SPAG6: variants seen among roughly 807,000 people sequenced by gnomAD.
The protein encoded by SPAG6 is sperm-associated antigen 6.
A neutral mutation model predicts 58.5 loss-of-function variants in SPAG6; 49 were observed. That is an observed-to-expected ratio of 0.84 (90% CI 0.67 to 1.06). The LOEUF (loss-of-function observed/expected upper bound fraction) is 1.06, where lower values mean the gene tolerates loss of function less well. Ranked by LOEUF, SPAG6 falls within the 50% of genes least tolerant of loss-of-function variation. SPAG6 has a pLI of 0.00. For missense variants in SPAG6, 560 were observed against 611.3 expected, an observed-to-expected ratio of 0.92 and a Z score of 0.89; for synonymous variants, 233 against 225.6, an observed-to-expected ratio of 1.03 and a Z score of -0.29.
intron 2 of SPAG6, among the ~76,000 whole-genome samples, chr10:22,348,819 G>C (rs952935548): frequency 5.3e-5 from 8 of 152,138 alleles, no homozygotes; most frequent in African/African-American, 1.9e-4. Flanking sequence ...ATTTGGAAAA[G>C]ATTAAGTTTG....
At chr10:22,400,005 A>G (rs984552050) in intron 8 of SPAG6, among the ~76,000 whole-genome samples, 2 of 152,182 alleles carry the variant, frequency 1.3e-5, no homozygotes, top group Non-Finnish European at 2.9e-5. Flanking sequence ...TCAAGCAATA[A>G]GAGGCTATGC....
At chr10:22,381,793 G>T (rs1055113375) in intron 4 of SPAG6, among the ~76,000 whole-genome samples, 9 of 152,110 alleles carry the variant, frequency 5.9e-5, no homozygotes, top group Non-Finnish European at 1.2e-4. Context: ...TGCAGCTTTA[G>T]ATAGTACTAA....
chr10:22,369,569 A>G (rs1213906844), intron 4 of SPAG6, among the ~76,000 whole-genome samples: 1 of 152,122 alleles, frequency 6.6e-6, no homozygotes, highest in Admixed American at 6.5e-5. Context: ...GGCATTAGAC[A>G]GGGTCTGAGT....
chr10:22,369,091 G>A (rs775763547), intron 4 of SPAG6, among the ~76,000 whole-genome samples: 7 of 152,114 alleles, frequency 4.6e-5, no homozygotes, highest in East Asian at 1.9e-4. Flanking sequence ...GGGTCATTTG[G>A]TCTTCCTGCC....
chr10:22,393,792 G>T (rs1369978810), intron 8 of SPAG6, among the ~76,000 whole-genome samples: 6 of 152,040 alleles, frequency 3.9e-5, no homozygotes, highest in Non-Finnish European at 8.8e-5. Context: ...TATTTTAAAG[G>T]GTGTAGAATA....
chr10:22,365,212 A>T (rs1184983213), intron 3 of SPAG6, among the ~76,000 whole-genome samples, 193 bp downstream of exon 3: 1 of 152,188 alleles, frequency 6.6e-6, no homozygotes, highest in Middle Eastern at 3.2e-3. Flanking sequence ...TTTATCTATT[A>T]TTGATAATAT....
intron 2 of SPAG6, among the ~76,000 whole-genome samples, chr10:22,358,273 C>G (rs1317662091): frequency 6.6e-6 from 1 of 152,158 alleles, no homozygotes; most frequent in African/African-American, 2.4e-5. Flanking sequence ...TAATGATCGC[C>G]ATTCTAACTG....
chr10:22,381,205 C>A (rs915436641), intron 4 of SPAG6, among the ~76,000 whole-genome samples: 1 of 152,040 alleles, frequency 6.6e-6, no homozygotes, highest in Non-Finnish European at 1.5e-5. Context: ...GAAAGCCCCC[C>A]ACAGGCTGTT....
At chr10:22,346,432 T>TCTTCTTCTTCTC (rs1836534161) in intron 2 of SPAG6, among the ~76,000 whole-genome samples, 2 of 92,116 alleles carry the variant, frequency 2.2e-5, no homozygotes, top group Non-Finnish European at 4.4e-5. Flanking sequence ...AGAAAATGGT[T>TCTTCTTCTTCTC]CTTCTTCTTC....
At position 22,416,687 on chromosome 10, in the gene SPAG6, G is replaced by C; in HGVS notation, c.1529G>C (p.Ter510SerextTer20). Reference sequence around the variant, plus strand: ...GACAGCTATCAACCACTTAATAACTGAGCAAAGTTATATTGTGATACTCAA... The same window carrying C: ...GACAGCTATCAACCACTTAATAACTCAGCAAAGTTATATTGTGATACTCAA... Reference protein sequence around the residue: ...RVDSYQPLNN* With the variant: ...RVDSYQPLNNS Residue 510 changes from the stop codon to serine (S), a stop_lost, in exon 11 of 11, where the codon TGA (stop) becomes TCA (serine). Transcript: ENST00000376624. The C allele has an allele frequency of 6.3e-7, 1 of 1,582,286 alleles. No individual in the cohort carries two copies. The highest frequency in any genetic ancestry group is 8.7e-7 in the Non-Finnish European group (1 of 1,151,830).
At chr10:22,378,188 C>T (rs1457425280) in intron 4 of SPAG6, among the ~76,000 whole-genome samples, 4 of 151,210 alleles carry the variant, frequency 2.6e-5, no homozygotes, top group African/African-American at 4.9e-5. Context: ...CTCAGCCTCT[C>T]GAGTAGCTGG....
At chr10:22,361,171 A>G (rs1309138741) in intron 2 of SPAG6, 3 of 248,140 alleles carry the variant, frequency 1.2e-5, no homozygotes, top group Non-Finnish European at 2.3e-5. Context: ...TGGACACTTT[A>G]GCTTTTATTA....
At chr10:22,407,307 T>C (rs1006363982) in intron 9 of SPAG6, among the ~76,000 whole-genome samples, 3 of 152,106 alleles carry the variant, frequency 2.0e-5, no homozygotes, top group African/African-American at 7.3e-5. Flanking sequence ...AGCGCTTCCT[T>C]CAGGAGCTCT....
chr10:22,353,847 G>C (rs563162824), intron 2 of SPAG6, among the ~76,000 whole-genome samples: 1 of 152,312 alleles, frequency 6.6e-6, no homozygotes, highest in South Asian at 2.1e-4. Context: ...TAATCACACA[G>C]ATACTGTGCT....
chr10:22,405,333 G>C (rs1472730827), intron 9 of SPAG6, among the ~76,000 whole-genome samples: 6 of 152,152 alleles, frequency 3.9e-5, no homozygotes, highest in Non-Finnish European at 8.8e-5. Flanking sequence ...TTTATTGAGA[G>C]TTTTTAACAT....
At chr10:22,399,104 C>A (rs1201788894) in intron 8 of SPAG6, among the ~76,000 whole-genome samples, 1 of 152,196 alleles carries the variant, frequency 6.6e-6, no homozygotes, top group Non-Finnish European at 1.5e-5. Flanking sequence ...CAGGCCTGAG[C>A]CACCGCGCCT....
intron 5 of SPAG6, among the ~76,000 whole-genome samples, 164 bp from the exon 6 acceptor site, chr10:22,387,658 AT>A (rs2132082021): frequency 6.6e-6 from 1 of 152,328 alleles, no homozygotes; most frequent in African/African-American, 2.4e-5. Context: ...TAAGACTTGA[AT>A]GTGAATGTCT....
At chr10:22,387,387 C>A (rs1834091918) in intron 5 of SPAG6, among the ~76,000 whole-genome samples, 1 of 152,000 alleles carries the variant, frequency 6.6e-6, no homozygotes, top group South Asian at 2.1e-4. Flanking sequence ...ATAGTTATAT[C>A]CTATAATGTT....
intron 10 of SPAG6, among the ~76,000 whole-genome samples, chr10:22,412,168 TA>T (rs1382330601): frequency 6.6e-6 from 1 of 152,170 alleles, no homozygotes; most frequent in Non-Finnish European, 1.5e-5. Context: ...ACTGAATCTT[TA>T]AAAATGCCCC....
Sources: allele counts gnomAD v4.1 joint callset (sites outside exome capture counted in the v4.1 genomes callset), GRCh38; gene constraint gnomAD v4.1.1; transcripts MANE v1.5; gene names NCBI Gene and HGNC (gene_info 2026-07-23, HGNC 2026-07-21).